ABCC11: variants seen among roughly 807,000 people sequenced by gnomAD.
ABCC11 encodes the protein ATP binding cassette subfamily C member 11.
Under a neutral mutation model 149.3 loss-of-function variants are expected in ABCC11, and 135 were observed. The ratio of observed to expected loss-of-function variants is 0.90; its 90% CI spans 0.79 to 1.04. The LOEUF is 1.04. Among genes scored for constraint, ABCC11 ranks in the 50% least tolerant of loss-of-function variants. The probability of loss-of-function intolerance (pLI) is 0.00; values close to 1 mark genes in which losing one functional copy is unlikely to be tolerated. For missense variants in ABCC11, 1,680 were observed against 1,722.1 expected (o/e 0.98, Z 0.43); for synonymous variants, 665 against 671.4 (o/e 0.99, Z 0.15).
intron 6 of ABCC11, among the ~76,000 whole-genome samples, chr16:48,218,283 G>A (rs936009452): frequency 6.6e-6 from 1 of 152,154 alleles, no homozygotes; most frequent in African/African-American, 2.4e-5. Context: ...GTGATAGAGT[G>A]AGAACCTGTC....
chr16:48,211,267 AG>A, intron 10 of ABCC11, 68 bp from the exon 11 acceptor site: 3 of 1,542,010 alleles, frequency 1.9e-6, no homozygotes, highest in Non-Finnish European at 2.6e-6. Context: ...ATGTGTTCCC[AG>A]TTTTACAAGT....
At chr16:48,201,059 T>C (rs1209293603) in intron 14 of ABCC11, among the ~76,000 whole-genome samples, 1 of 152,190 alleles carries the variant, frequency 6.6e-6, no homozygotes, top group Non-Finnish European at 1.5e-5. Flanking sequence ...GATGAATAAA[T>C]TGCTTCTCAA....
intron 25 of ABCC11, among the ~76,000 whole-genome samples, chr16:48,176,508 C>T (rs193221385): frequency 2.0e-5 from 3 of 152,066 alleles, no homozygotes; most frequent in Non-Finnish European, 2.9e-5. Flanking sequence ...CTGGATTTAA[C>T]TCCTAGCCTG....
At chr16:48,240,532 G>A (rs1038541220) in intron 1 of ABCC11, among the ~76,000 whole-genome samples, 17 of 151,944 alleles carry the variant, frequency 1.1e-4, no homozygotes, top group African/African-American at 3.9e-4. Flanking sequence ...GGGGGCAGGG[G>A]TAGGGGGAGA....
chr16:48,222,160 T>G (rs546180506), intron 6 of ABCC11, among the ~76,000 whole-genome samples: 2 of 151,862 alleles, frequency 1.3e-5, no homozygotes, highest in Admixed American at 1.3e-4. Flanking sequence ...AACTCCTGGA[T>G]TCAAGCAATC....
intron 3 of ABCC11, 83 bp downstream of exon 3, chr16:48,230,354 T>C: frequency 6.9e-7 from 1 of 1,451,528 alleles, no homozygotes; most frequent in Non-Finnish European, 9.1e-7. Context: ...TTATGCAACC[T>C]TCGTGAGAGG....
At chr16:48,242,902 G>A (rs1971053873) in intron 1 of ABCC11, among the ~76,000 whole-genome samples, 1 of 151,996 alleles carries the variant, frequency 6.6e-6, no homozygotes, top group Admixed American at 6.6e-5. Flanking sequence ...GTCGTTGGGT[G>A]GTGGGGAGTG....
intron 1 of ABCC11, among the ~76,000 whole-genome samples, chr16:48,240,728 G>T (rs561356241): frequency 4.2e-4 from 63 of 151,596 alleles, no homozygotes; most frequent in African/African-American, 1.4e-3. Flanking sequence ...CATTACTTTT[G>T]CACCAACCTA....
chr16:48,233,215 A>G (rs982785808), intron 1 of ABCC11, among the ~76,000 whole-genome samples: 1 of 152,164 alleles, frequency 6.6e-6, no homozygotes, highest in Non-Finnish European at 1.5e-5. Context: ...AACAAAACAA[A>G]ACAAACATTC....
At chr16:48,198,580 C>A (rs1459125301) in intron 15 of ABCC11, among the ~76,000 whole-genome samples, 1 of 150,246 alleles carries the variant, frequency 6.7e-6, no homozygotes, top group East Asian at 1.9e-4. Context: ...AAACCCTACC[C>A]AAAAAAACTC....
At chr16:48,164,824 C>T (rs577919314), downstream of ABCC11, 3 of 133,654 alleles carry the variant, frequency 2.2e-5, no homozygotes, top group African/African-American at 8.4e-5. Context: ...TGGTATTTTT[C>T]AAAAAATTCT....
At chr16:48,188,343 C>T (rs1449259987) in intron 20 of ABCC11, among the ~76,000 whole-genome samples, 1 of 152,192 alleles carries the variant, frequency 6.6e-6, no homozygotes, top group African/African-American at 2.4e-5. Flanking sequence ...GTTTACCTGC[C>T]CTCCATCACC....
chr16:48,186,646 T>C (rs1360366652), intron 22 of ABCC11, among the ~76,000 whole-genome samples: 1 of 152,236 alleles, frequency 6.6e-6, no homozygotes, highest in Non-Finnish European at 1.5e-5. Context: ...AATAACATAA[T>C]GCAAGATGTG....
rs770626466 is a variant in ABCC11, at chr16:48,193,924, G to T, written c.2463C>A (p.Ile821=). 1.2e-6 allele frequency: 2 copies of T among 1,613,958 alleles called. No individual in the cohort carries two copies. The highest frequency in any genetic ancestry group is 1.3e-5 in the African/African-American group (1 of 74,922). The stretch of plus-strand genomic sequence containing the variant: ...AGTAGCTCAGCCACCAGAAGCTGAA[G>T]ATCGTTAAGAAGACGATCAGCACCA... ...FFVVLIVFLT[I]FSFWWLSYWL... Residue 821 remains isoleucine (I), a synonymous_variant, in exon 19 of 30, where the codon ATC becomes ATA. Coordinates refer to ENST00000356608, the MANE Select transcript of ABCC11 (RefSeq NM_001370497.1).
At chr16:48,233,782 C>T (rs1387809977) in intron 1 of ABCC11, among the ~76,000 whole-genome samples, 2 of 152,202 alleles carry the variant, frequency 1.3e-5, no homozygotes, top group African/African-American at 4.8e-5. Flanking sequence ...ACGTTTATAT[C>T]TGTAACAAAC....
intron 6 of ABCC11, among the ~76,000 whole-genome samples, chr16:48,217,721 C>G (rs1969444677): frequency 1.3e-5 from 2 of 152,224 alleles, no homozygotes; most frequent in Admixed American, 6.5e-5. Context: ...TAACTTTCAC[C>G]TAAACTCCTT....
At chr16:48,211,246 G>C (rs1184229180) in intron 10 of ABCC11, 47 bp from the exon 11 acceptor site, 1 of 1,590,636 alleles carries the variant, frequency 6.3e-7, no homozygotes, top group Non-Finnish European at 8.6e-7. Flanking sequence ...CAGTTCTTTA[G>C]TTCAGCAGGA....
chr16:48,181,317 C>G (rs1282975112), intron 23 of ABCC11, among the ~76,000 whole-genome samples: 1 of 152,168 alleles, frequency 6.6e-6, no homozygotes, highest in Non-Finnish European at 1.5e-5. Context: ...CTCTTATTGG[C>G]TATGGGAACA....
intron 5 of ABCC11, 146 bp downstream of exon 5, chr16:48,224,135 TG>T: frequency 9.2e-7 from 1 of 1,082,356 alleles, no homozygotes; most frequent in South Asian, 1.6e-5. Flanking sequence ...CATGCTCTAC[TG>T]TCCTCAAAAG....
Sources: gnomAD v4.1 joint callset for allele counts (sites outside exome capture counted in the v4.1 genomes callset) on GRCh38, gnomAD v4.1.1 for gene constraint, MANE v1.5 for transcripts, NCBI Gene and HGNC (gene_info 2026-07-23, HGNC 2026-07-21) for gene names.